Variants in FAM120B observed in about 807,000 individuals in gnomAD.
FAM120B encodes the protein family with sequence similarity 120 member B.
A neutral mutation model predicts 96.3 loss-of-function variants in FAM120B; 83 were observed. The observed-to-expected ratio is 0.86, with a 90% CI of 0.72 to 1.03. FAM120B has a LOEUF of 1.03. Ranked by LOEUF, FAM120B falls within the 50% of genes least tolerant of loss-of-function variation. The pLI, the probability that FAM120B is intolerant of heterozygous loss-of-function variation, is 0.00. For synonymous variants in FAM120B, 407 were observed against 402.7 expected (o/e 1.01, Z -0.13); for missense variants, 1,027 against 1,121.2 (o/e 0.92, Z 1.20).
chr6:170,343,849 C>G (rs534877914), intron 4 of FAM120B, among the ~76,000 whole-genome samples: 1 of 152,234 alleles, frequency 6.6e-6, no homozygotes, highest in Admixed American at 6.5e-5. Flanking sequence ...AGTTGTTTAC[C>G]AGCTTTGTTC....
chr6:170,324,720 G>A (rs930261350), intron 3 of FAM120B, among the ~76,000 whole-genome samples: 1 of 152,084 alleles, frequency 6.6e-6, no homozygotes, highest in African/African-American at 2.4e-5. Flanking sequence ...TTGTCTTCAT[G>A]GTTGATCTTT....
chr6:170,298,740 G>A (rs988321320), intron 1 of FAM120B, among the ~76,000 whole-genome samples: 3 of 152,152 alleles, frequency 2.0e-5, no homozygotes, highest in Non-Finnish European at 4.4e-5. Flanking sequence ...TTAATAAGCT[G>A]ATTGAGGCAA....
At chr6:170,328,088 T>C (rs1785725196) in intron 3 of FAM120B, among the ~76,000 whole-genome samples, 1 of 152,248 alleles carries the variant, frequency 6.6e-6, no homozygotes, top group Non-Finnish European at 1.5e-5. Context: ...ACTTTTTTAC[T>C]TTATAAACTT....
chr6:170,339,215 A>G (rs1001278048), intron 4 of FAM120B, among the ~76,000 whole-genome samples: 1 of 152,138 alleles, frequency 6.6e-6, no homozygotes, highest in Non-Finnish European at 1.5e-5. Flanking sequence ...GGTGGTAACA[A>G]AATCCCTCAG....
At chr6:170,308,700 C>G (rs916005500) in intron 1 of FAM120B, among the ~76,000 whole-genome samples, 22 of 152,176 alleles carry the variant, frequency 1.4e-4, no homozygotes, top group African/African-American at 5.1e-4. Context: ...TCTTTCACAG[C>G]TTAGATCCCT....
At chr6:170,344,540 T>G (rs939857447) in intron 4 of FAM120B, among the ~76,000 whole-genome samples, 6 of 149,416 alleles carry the variant, frequency 4.0e-5, no homozygotes, top group South Asian at 2.2e-4. Flanking sequence ...GTTCAGTCCA[T>G]TCACCTGCAC....
intron 4 of FAM120B, among the ~76,000 whole-genome samples, chr6:170,346,617 C>T (rs1787207776): frequency 6.6e-6 from 1 of 152,140 alleles, no homozygotes; most frequent in South Asian, 2.1e-4. Context: ...GTGGACGATA[C>T]CCACGTGTGT....
chr6:170,331,577 G>A (rs1031180776), intron 4 of FAM120B, among the ~76,000 whole-genome samples: 1 of 152,080 alleles, frequency 6.6e-6, no homozygotes, highest in Non-Finnish European at 1.5e-5. Flanking sequence ...TTAAAGGATA[G>A]CCAAAATAAT....
chr6:170,401,511 G>C (rs186676228), intron 9 of FAM120B, among the ~76,000 whole-genome samples: 47 of 152,290 alleles, frequency 3.1e-4, no homozygotes, highest in Admixed American at 1.9e-3. Context: ...GACAGAAAGG[G>C]CCAGGGAGCA....
intron 9 of FAM120B, among the ~76,000 whole-genome samples, chr6:170,403,896 A>C (rs1037248013): frequency 6.6e-6 from 1 of 152,008 alleles, no homozygotes; most frequent in African/African-American, 2.4e-5. Context: ...CGGAGCCCAC[A>C]CTTTTGGGGG....
intron 4 of FAM120B, among the ~76,000 whole-genome samples, chr6:170,340,014 T>C (rs554198467): frequency 6.6e-6 from 1 of 152,294 alleles, no homozygotes; most frequent in African/African-American, 2.4e-5. Context: ...TCTCTGTATT[T>C]ACTGAATTTG....
chr6:170,376,751 A>G (rs1789546415), intron 6 of FAM120B, among the ~76,000 whole-genome samples: 1 of 152,236 alleles, frequency 6.6e-6, no homozygotes, highest in Admixed American at 6.5e-5. Context: ...TGAACCGAAA[A>G]TCTGGACTAG....
At chr6:170,378,297 A>G (rs1789695994) in intron 6 of FAM120B, among the ~76,000 whole-genome samples, 1 of 152,098 alleles carries the variant, frequency 6.6e-6, no homozygotes, top group Non-Finnish European at 1.5e-5. Flanking sequence ...TTTAACCCCG[A>G]GCAGTTTCTA....
chr6:170,324,607 A>C (rs994150626), intron 3 of FAM120B, among the ~76,000 whole-genome samples: 3 of 152,216 alleles, frequency 2.0e-5, no homozygotes, highest in African/African-American at 4.8e-5. Flanking sequence ...TAAACTATAT[A>C]AATTTCACTA....
At chr6:170,340,611 T>TC (rs1362663778) in intron 4 of FAM120B, among the ~76,000 whole-genome samples, 1 of 152,254 alleles carries the variant, frequency 6.6e-6, no homozygotes, top group Non-Finnish European at 1.5e-5. Context: ...CGCTGGTTTT[T>TC]CCTCATCTTC....
At chr6:170,348,759 T>C (rs1039244904) in intron 5 of FAM120B, among the ~76,000 whole-genome samples, 11 of 152,332 alleles carry the variant, frequency 7.2e-5, no homozygotes, top group African/African-American at 2.6e-4. Flanking sequence ...TTCAGCTTTT[T>C]CCTATGTCAG....
intron 5 of FAM120B, among the ~76,000 whole-genome samples, chr6:170,357,896 TC>T (rs543028820): frequency 9.0e-4 from 137 of 152,348 alleles, no homozygotes; most frequent in South Asian, 2.3e-3. Context: ...CTGTGCTCTT[TC>T]CACCTGCATA....
chr6:170,314,330 CTT>C (rs1256321795), intron 1 of FAM120B, among the ~76,000 whole-genome samples: 4 of 152,198 alleles, frequency 2.6e-5, no homozygotes, highest in African/African-American at 9.7e-5. Context: ...CCTGATTTCT[CTT>C]TATATACTGT....
intron 4 of FAM120B, among the ~76,000 whole-genome samples, chr6:170,338,802 T>G (rs1786613139): frequency 6.6e-6 from 1 of 151,736 alleles, no homozygotes; most frequent in Admixed American, 6.6e-5. Context: ...TGATCTTTGT[T>G]GGATTAAAGT....
Sources: allele counts gnomAD v4.1 joint callset (sites outside exome capture counted in the v4.1 genomes callset), GRCh38; gene constraint gnomAD v4.1.1; transcripts MANE v1.5; gene names NCBI Gene and HGNC (gene_info 2026-07-23, HGNC 2026-07-21).